The following RABGEF1 variants were observed in gnomAD, a reference collection of about 807,000 sequenced individuals.
RABGEF1 encodes the protein rab5 GDP/GTP exchange factor.
In RABGEF1, 26 loss-of-function variants were observed where a neutral mutation model predicts 57.3. The observed-to-expected ratio is 0.45, with a 90% CI of 0.33 to 0.63. RABGEF1 has a LOEUF of 0.63. Ranked by LOEUF, RABGEF1 falls within the 20% of genes least tolerant of loss-of-function variation. RABGEF1 has a pLI of 0.02. For synonymous variants in RABGEF1, 185 were observed against 210.7 expected, an observed-to-expected ratio of 0.88 and a Z score of 1.06; for missense variants, 464 against 607.6, an observed-to-expected ratio of 0.76 and a Z score of 2.48.
In RABGEF1 at chr7:66,751,688, AG is replaced by A. The variant is rs1801467891; in HGVS notation, c.-18+10898del. ...TTCAGCTGATAGTCTGGGAGTTTATAGGAGTCCCTCCCCGACAGAGGTTTTA... is the reference window on the plus strand; with the variant it reads ...TTCAGCTGATAGTCTGGGAGTTTATAGAGTCCCTCCCCGACAGAGGTTTTA... On this transcript the variant is annotated intron_variant, in intron 1 of 8. Coordinates refer to ENST00000284957, the MANE Select transcript of RABGEF1 (RefSeq NM_014504.3). 2.0e-5 allele frequency among the ~76,000 whole-genome samples: 3 copies of A among 152,182 alleles called. No homozygotes were observed. In the South Asian group the frequency reaches 6.2e-4, roughly 31 times the overall value.
chr7:66,738,827 G>A (rs1157756634), upstream of RABGEF1, among the ~76,000 whole-genome samples: 3 of 151,688 alleles, frequency 2.0e-5, no homozygotes, highest in African/African-American at 7.3e-5. Flanking sequence ...AGTCAGTTAA[G>A]AGCTTTAAAG....
chr7:66,739,620 C>T (rs1399237498), upstream of RABGEF1, among the ~76,000 whole-genome samples: 2 of 130,874 alleles, frequency 1.5e-5, no homozygotes, highest in South Asian at 2.3e-4. Context: ...CGAGATCGCA[C>T]GACTGAACTC....
intron 4 of RABGEF1, among the ~76,000 whole-genome samples, chr7:66,790,234 ACT>A (rs910098906): frequency 1.3e-4 from 20 of 152,294 alleles, no homozygotes; most frequent in African/African-American, 3.8e-4. Context: ...CCTCTGTGAA[ACT>A]CTCAACAATG....
At chr7:66,685,239 C>G (rs1339782028) in intron 1 of RABGEF1, among the ~76,000 whole-genome samples, 2 of 150,748 alleles carry the variant, frequency 1.3e-5, no homozygotes, top group Non-Finnish European at 2.9e-5. Context: ...CTACAACCTC[C>G]ACCTCCTGGG....
chr7:66,709,734 C>T lies in RABGEF1; in HGVS notation c.-872-2433C>T, dbSNP rs181983468. Among the ~76,000 whole-genome samples, 1,477 of 152,204 alleles carry T rather than the reference C, an allele frequency of 9.7e-3. 11 individuals carry two copies. The highest frequency in any genetic ancestry group is 0.017 in the Non-Finnish European group (1,155 of 68,012). On this transcript the variant is annotated intron_variant and NMD_transcript_variant, in intron 1 of 9. Coordinates refer to the RABGEF1 transcript ENST00000607882. The stretch of plus-strand genomic sequence containing the variant: ...AGGTTGCAGTGAACCAAGATCAAGC[C>T]ACTGCACTCCAGCCTGGGTGACAAG...
At chr7:66,688,115 A>G (rs926242540) in intron 1 of RABGEF1, among the ~76,000 whole-genome samples, 2 of 150,076 alleles carry the variant, frequency 1.3e-5, no homozygotes, top group African/African-American at 4.9e-5. Context: ...AAAGTAACCA[A>G]ATGACATCAG....
chr7:66,701,470 G>T (rs1177012956), intron 1 of RABGEF1, among the ~76,000 whole-genome samples: 1 of 151,066 alleles, frequency 6.6e-6, no homozygotes, highest in Non-Finnish European at 1.5e-5. Flanking sequence ...GCACACTCCA[G>T]CCTGGAGGAC....
intron 2 of RABGEF1, among the ~76,000 whole-genome samples, chr7:66,774,343 A>G (rs1807984137): frequency 6.6e-6 from 1 of 152,166 alleles, no homozygotes; most frequent in African/African-American, 2.4e-5. Flanking sequence ...TACCTGCATG[A>G]TCTTTCTAAA....
At chr7:66,724,428 C>T (rs552297026) in intron 2 of RABGEF1, among the ~76,000 whole-genome samples, 137 of 151,960 alleles carry the variant, frequency 9.0e-4, no homozygotes, top group African/African-American at 2.8e-3. Flanking sequence ...GGCGCGATCT[C>T]GGCTCACTGC....
chr7:66,673,648 T>C, the RABGEF1 span, among the ~76,000 whole-genome samples: 13 of 151,576 alleles, frequency 8.6e-5, no homozygotes, highest in African/African-American at 3.1e-4. Flanking sequence ...AAGCTGTTAT[T>C]GAGGTAGCAG....
chr7:66,775,380 C>T lies in RABGEF1; in HGVS notation c.333C>T (p.Val111=), dbSNP rs756497032. The T allele has an allele frequency of 2.0e-5, 33 of 1,613,636 alleles. No homozygotes were observed. Among genetic ancestry groups the T allele is most frequent in the East Asian group, 6.7e-5 (3 of 44,874 alleles). ...VKKFFSASSR[V]GSKKEIQEAK... Reference sequence around the variant, plus strand: ...AATTCTTCAGTGCATCTTCCAGGGTCGGATCAAAGAAGGGTAATGTTCTGA... The same window carrying T: ...AATTCTTCAGTGCATCTTCCAGGGTTGGATCAAAGAAGGGTAATGTTCTGA... The change falls in exon 3 of 9, where the codon GTC becomes GTT. Residue 111 remains valine, a synonymous_variant. Coordinates refer to ENST00000284957, the MANE Select transcript of RABGEF1 (RefSeq NM_014504.3).
intron 5 of RABGEF1, among the ~76,000 whole-genome samples, chr7:66,797,166 T>C (rs1026524353): frequency 9.2e-5 from 14 of 151,748 alleles, no homozygotes; most frequent in Admixed American, 1.3e-4. Flanking sequence ...TATTCAGGCA[T>C]GGTGGCGTGT....
the RABGEF1 span, among the ~76,000 whole-genome samples, chr7:66,663,337 G>T: frequency 1.3e-5 from 2 of 152,142 alleles, no homozygotes; most frequent in Non-Finnish European, 2.9e-5. Flanking sequence ...CTATATTTTT[G>T]TGTGTGTGTC....
chr7:66,680,675 G>C (rs1207937523), upstream of RABGEF1, among the ~76,000 whole-genome samples: 6 of 152,030 alleles, frequency 3.9e-5, no homozygotes, highest in Admixed American at 6.5e-5. Flanking sequence ...GGCCGGGCGC[G>C]GTGGCTCACG....
rs75948760 is a variant in RABGEF1 at position 66,715,132 on chromosome 7, T to C, written c.-815+2908T>C. On this transcript the variant is annotated intron_variant and NMD_transcript_variant, in intron 2 of 9. Coordinates refer to the RABGEF1 transcript ENST00000607882. ...TCCAACTCCTCCTCTTCCTTTCTTC[T>C]TTCTTCTTCTCCTGAGACAGGGTCT... Among the ~76,000 whole-genome samples the C allele has an allele frequency of 3.0e-3, 461 of 151,944 alleles. 2 individuals carry two copies. Among genetic ancestry groups the C allele is most frequent in the African/African-American group, 0.011 (448 of 41,406 alleles).
chr7:66,797,687 A>G (rs1352916941), intron 6 of RABGEF1, among the ~76,000 whole-genome samples, 181 bp downstream of exon 6: 2 of 152,236 alleles, frequency 1.3e-5, no homozygotes, highest in Non-Finnish European at 2.9e-5. Flanking sequence ...GACCTCACCT[A>G]TCCATCTCCC....
the RABGEF1 span, chr7:66,666,385 G>T: frequency 6.6e-6 from 1 of 152,250 alleles, no homozygotes; most frequent in African/African-American, 2.4e-5. Flanking sequence ...AAACCTGGGA[G>T]GGAAGAGAGA....
chr7:66,806,443 G>A (rs561231705), intron 8 of RABGEF1, among the ~76,000 whole-genome samples: 4 of 152,182 alleles, frequency 2.6e-5, no homozygotes, highest in Admixed American at 6.5e-5. Flanking sequence ...ATTGTGTTCA[G>A]CTACATGTTA....
chr7:66,749,000 G>C (rs1194237272), intron 1 of RABGEF1: 4 of 179,184 alleles, frequency 2.2e-5, no homozygotes, highest in Non-Finnish European at 4.9e-5. Flanking sequence ...CTTGGTAGGT[G>C]ATATCAGGCC....
Sources: gnomAD v4.1 joint callset for allele counts (sites outside exome capture counted in the v4.1 genomes callset) on GRCh38, gnomAD v4.1.1 for gene constraint, MANE v1.5 for transcripts, NCBI Gene and HGNC (gene_info 2026-07-23, HGNC 2026-07-21) for gene names.